EFCAB8: variants seen among roughly 807,000 people sequenced by gnomAD.
EFCAB8 encodes EF-hand calcium binding domain 8, also known as EF-hand calcium-binding domain-containing protein 8.
In EFCAB8, 100 loss-of-function variants were observed where a neutral mutation model predicts 116.3. The ratio of observed to expected loss-of-function variants is 0.86; its 90% confidence interval spans 0.73 to 1.02. The LOEUF (loss-of-function observed/expected upper bound fraction) is 1.02, where lower values mean the gene tolerates loss of function less well. Among genes scored for constraint, EFCAB8 ranks in the 50% least tolerant of loss-of-function variants. EFCAB8 has a pLI of 0.00. For synonymous variants in EFCAB8, 558 were observed against 567.9 expected (o/e 0.98, Z 0.25); for missense variants, 1,320 against 1,416.9 (o/e 0.93, Z 1.10).
At chr20:32,944,230 T>G (rs1568944807) in intron 23 of EFCAB8, among the ~76,000 whole-genome samples, 1 of 152,114 alleles carries the variant, frequency 6.6e-6, no homozygotes, top group South Asian at 2.1e-4. Context: ...ATCCCAACAC[T>G]TTTTTGTCCC....
At chr20:32,916,799 A>G (rs1433876403) in intron 17 of EFCAB8, among the ~76,000 whole-genome samples, 5 of 152,050 alleles carry the variant, frequency 3.3e-5, no homozygotes, top group East Asian at 1.9e-4. Flanking sequence ...AGGAGTTTCT[A>G]TGGGGGTTGA....
chr20:32,948,572 G>GAAAGAAAGAA (rs1555871359), intron 23 of EFCAB8, among the ~76,000 whole-genome samples: 22 of 139,510 alleles, frequency 1.6e-4, no homozygotes, highest in African/African-American at 4.7e-4. Flanking sequence ...AAGAAAGAAA[G>GAAAGAAAGAA]AAAGAAAGAA....
At position 32,917,467 on chromosome 20, in the gene EFCAB8, A is replaced by G. The variant is rs2146256667; in HGVS notation, c.2023A>G (p.Asn675Asp). Residue 675 changes from asparagine to aspartate, a missense_variant, in exon 18 of 27, where the codon AAT (asparagine) becomes GAT (aspartate). Coordinates refer to ENST00000400522, the MANE Select transcript of EFCAB8 (RefSeq NM_001143967.2). ...CACACTCAAGCCCATCTTCAACTTC[A>G]ATGCCTCTAGGAGCCCCTCGCCCTT... ...TGTLKPIFNF[N>D]ASRSPSPLQP... 1 of 1,552,054 alleles carries G rather than the reference A, an allele frequency of 6.4e-7. No homozygotes were observed. The highest frequency in any genetic ancestry group is 2.4e-5 in the East Asian group (1 of 40,906).
chr20:32,912,038 G>T (rs998702580), intron 16 of EFCAB8, among the ~76,000 whole-genome samples: 3 of 152,160 alleles, frequency 2.0e-5, no homozygotes, highest in Admixed American at 6.5e-5. Context: ...ACCCCTATTT[G>T]GGAAATGCCT....
intron 2 of EFCAB8, among the ~76,000 whole-genome samples, chr20:32,866,878 C>T (rs576917300): frequency 6.9e-6 from 1 of 145,906 alleles, no homozygotes; most frequent in Non-Finnish European, 1.5e-5. Flanking sequence ...TCTTTCCTTC[C>T]TTCCTTCCTT....
intron 22 of EFCAB8, among the ~76,000 whole-genome samples, chr20:32,942,789 G>A (rs1242946196): frequency 1.3e-5 from 2 of 151,782 alleles, no homozygotes; most frequent in African/African-American, 2.4e-5. Context: ...AATCTTCAAC[G>A]CATCTAGTAT....
At chr20:32,949,317 C>A (rs1328384898) in intron 23 of EFCAB8, among the ~76,000 whole-genome samples, 1 of 152,194 alleles carries the variant, frequency 6.6e-6, no homozygotes, top group Non-Finnish European at 1.5e-5. Flanking sequence ...GGGTAGAAGA[C>A]TCTCTGATTA....
chr20:32,890,943 T>C (rs1264343951), intron 7 of EFCAB8, among the ~76,000 whole-genome samples: 1 of 152,204 alleles, frequency 6.6e-6, no homozygotes, highest in Non-Finnish European at 1.5e-5. Context: ...TGAGGCTAAA[T>C]TGTGTGATAC....
chr20:32,909,095 C>T (rs1279161003), intron 14 of EFCAB8, among the ~76,000 whole-genome samples: 2 of 152,180 alleles, frequency 1.3e-5, no homozygotes, highest in African/African-American at 4.8e-5. Flanking sequence ...GCGGGGGCCG[C>T]TCGTGCTTGA....
At chr20:32,899,992 G>T (rs887711489) in intron 11 of EFCAB8, among the ~76,000 whole-genome samples, 1 of 152,070 alleles carries the variant, frequency 6.6e-6, no homozygotes, top group Non-Finnish European at 1.5e-5. Context: ...GTTTTCCTCC[G>T]GCCCCTAGTC....
intron 3 of EFCAB8, among the ~76,000 whole-genome samples, chr20:32,869,717 C>T (rs1984596056): frequency 6.6e-6 from 1 of 151,918 alleles, no homozygotes; most frequent in Non-Finnish European, 1.5e-5. Flanking sequence ...GCTTAAGTCT[C>T]TCTACTGCAG....
intron 22 of EFCAB8, among the ~76,000 whole-genome samples, chr20:32,939,172 TTTCTTTCTTTCTTTC>T (rs1210548550): frequency 9.6e-6 from 1 of 103,998 alleles, no homozygotes; most frequent in African/African-American, 3.6e-5. Context: ...TCTTTCTTTC[TTTCTTTCTTTCTTTC>T]TTTCTTTCTT....
chr20:32,921,361 T>TTGTGTGTGTGTGTGTGTG (rs71858676), intron 20 of EFCAB8, among the ~76,000 whole-genome samples: 23 of 129,160 alleles, frequency 1.8e-4, no homozygotes, highest in African/African-American at 7.5e-4. Flanking sequence ...CCCAGCTATT[T>TTGTGTGTGTGTGTGTGTG]TGTGTGTGTG....
intron 5 of EFCAB8, among the ~76,000 whole-genome samples, chr20:32,880,381 G>A (rs1026042926): frequency 4.6e-5 from 7 of 151,856 alleles, no homozygotes; most frequent in South Asian, 2.1e-4. Flanking sequence ...CGATTCTCCC[G>A]CCTCAGCGTC....
chr20:32,927,405 C>A (rs143998353), intron 20 of EFCAB8, among the ~76,000 whole-genome samples: 1 of 152,042 alleles, frequency 6.6e-6, no homozygotes, highest in East Asian at 1.9e-4. Flanking sequence ...AGTGCAGTGA[C>A]GTGATCTTGG....
At chr20:32,900,766 C>T (rs1473333730) in intron 11 of EFCAB8, among the ~76,000 whole-genome samples, 1 of 152,154 alleles carries the variant, frequency 6.6e-6, no homozygotes, top group Non-Finnish European at 1.5e-5. Flanking sequence ...GACGGGGTTT[C>T]ACCATGTTGT....
At chr20:32,923,010 C>A (rs953992891) in intron 20 of EFCAB8, among the ~76,000 whole-genome samples, 4 of 152,094 alleles carry the variant, frequency 2.6e-5, no homozygotes, top group African/African-American at 9.7e-5. Context: ...ATGATGAGAC[C>A]TCATCTCTAC....
At chr20:32,862,437 C>T (rs1163021800) in intron 1 of EFCAB8, among the ~76,000 whole-genome samples, 1 of 152,022 alleles carries the variant, frequency 6.6e-6, no homozygotes, top group Non-Finnish European at 1.5e-5. Context: ...AAACCACTTT[C>T]CCTCTTTGCT....
Position 32,961,606 on chromosome 20 carries a change from C to T in EFCAB8, c.3864C>T (p.Phe1288=), listed in dbSNP as rs1239704353. 2.3e-6 allele frequency: 3 copies of T among 1,329,822 alleles called. No individual in the cohort carries two copies. In the East Asian group the frequency reaches 8.3e-5, roughly 37 times the overall value. The allele number at this position is 1,329,822 out of a possible 1,614,324, so 82.4% of individuals were successfully genotyped here. A position where few individuals can be genotyped will look rare whatever the true frequency, so the allele number is the denominator to read the frequency against. ...SSVKGSSHVR[F] ...TGAAGGGGAGCTCCCATGTCAGGTT[C>T]TGAGGTGCTCCGCTGTCTTCTCTAG... is the stretch of plus-strand genomic sequence containing the variant. Residue 1288 remains phenylalanine, a synonymous_variant, in exon 27 of 27, where the codon TTC becomes TTT. Transcript: ENST00000400522.
Sources: allele counts gnomAD v4.1 joint callset (sites outside exome capture counted in the v4.1 genomes callset), GRCh38; gene constraint gnomAD v4.1.1; transcripts MANE v1.5; gene names NCBI Gene and HGNC (gene_info 2026-07-23, HGNC 2026-07-21).